Variants in TTC29 observed in about 807,000 individuals in gnomAD.
TTC29 encodes the protein tetratricopeptide repeat protein 29.
In TTC29, 49 loss-of-function variants were observed where a neutral mutation model predicts 58.1. The ratio of observed to expected loss-of-function variants is 0.84; its 90% confidence interval spans 0.67 to 1.07. TTC29 has a LOEUF of 1.07. Among genes scored for constraint, TTC29 ranks in the 50% least tolerant of loss-of-function variants. The pLI, the probability that TTC29 is intolerant of heterozygous loss-of-function variation, is 0.00. For missense variants in TTC29, 582 were observed against 555.6 expected (o/e 1.05, Z -0.48); for synonymous variants, 209 against 196.8 (o/e 1.06, Z -0.52).
chr4:146,788,118 C>T (rs1483562713), intron 11 of TTC29, among the ~76,000 whole-genome samples: 2 of 152,216 alleles, frequency 1.3e-5, no homozygotes, highest in South Asian at 2.1e-4. Context: ...TTAGCTAGGA[C>T]TGCACAGCCT....
At chr4:146,802,045 A>G (rs1292635509) in intron 11 of TTC29, among the ~76,000 whole-genome samples, 1 of 150,796 alleles carries the variant, frequency 6.6e-6, no homozygotes, top group South Asian at 2.1e-4. Flanking sequence ...GATGGCCTCG[A>G]ATAGACATAG....
chr4:146,737,761 C>G (rs1744831840), intron 11 of TTC29, among the ~76,000 whole-genome samples: 1 of 152,122 alleles, frequency 6.6e-6, no homozygotes, highest in Admixed American at 6.5e-5. Context: ...AACAAACAAA[C>G]TGTTCAGCCC....
rs536489683 is a variant in TTC29, at chr4:146,716,210, C to G, written c.1331-8659G>C. Among the ~76,000 whole-genome samples, 15 of 152,144 alleles carry G rather than the reference C, an allele frequency of 9.9e-5. No homozygotes were observed. The South Asian group carries it at 3.1e-3, about 32-fold the overall frequency. ...AAGCTAATGAATTCAAAGAAATGAC[C>G]ATTTCATTATCACTCAGAAAGTTTA... On this transcript the variant is annotated intron_variant, in intron 11 of 12. Transcript: ENST00000325106.
chr4:146,765,265 CAA>C (rs1358769387), intron 11 of TTC29, among the ~76,000 whole-genome samples: 1 of 152,054 alleles, frequency 6.6e-6, no homozygotes, highest in African/African-American at 2.4e-5. Flanking sequence ...GTTATTAAGA[CAA>C]AGTCACATGA....
intron 4 of TTC29, among the ~76,000 whole-genome samples, chr4:146,932,847 G>A (rs1735447758): frequency 6.6e-6 from 1 of 152,092 alleles, no homozygotes. Flanking sequence ...ACAAGGTCAG[G>A]AGATAGAGAC....
intron 11 of TTC29, among the ~76,000 whole-genome samples, chr4:146,736,930 T>C (rs10027612): frequency 0.59 from 90,397 of 152,006 alleles, 27,432 homozygotes; most frequent in South Asian, 0.68. Context: ...TGCTGGATTC[T>C]ATTGACACTT....
chr4:146,810,844 C>T (rs954328448), intron 10 of TTC29, among the ~76,000 whole-genome samples: 13 of 151,796 alleles, frequency 8.6e-5, no homozygotes, highest in African/African-American at 2.2e-4. Context: ...CACCCGCCTC[C>T]GCTTCCCAAA....
intron 6 of TTC29, among the ~76,000 whole-genome samples, chr4:146,889,283 T>C (rs1732196181): frequency 6.6e-6 from 1 of 152,198 alleles, no homozygotes; most frequent in African/African-American, 2.4e-5. Context: ...ATGATTATCT[T>C]TTACCAGCTG....
At chr4:146,910,104 T>C (rs1057287569) in intron 4 of TTC29, among the ~76,000 whole-genome samples, 11 of 152,084 alleles carry the variant, frequency 7.2e-5, no homozygotes, top group Non-Finnish European at 1.6e-4. Flanking sequence ...AATTATATTA[T>C]ATTCTTTAAA....
intron 9 of TTC29, chr4:146,831,933 T>C (rs1443073069): frequency 5.9e-5 from 12 of 201,742 alleles, no homozygotes; most frequent in South Asian, 4.6e-4. Flanking sequence ...TATTAATTAA[T>C]TTATTTATTT....
chr4:146,901,793 T>C (rs1733165189), intron 6 of TTC29, among the ~76,000 whole-genome samples: 1 of 152,236 alleles, frequency 6.6e-6, no homozygotes, highest in Admixed American at 6.5e-5. Flanking sequence ...TTATTATTTA[T>C]TGTAGCACTT....
intron 11 of TTC29, among the ~76,000 whole-genome samples, chr4:146,796,856 T>C (rs182974714): frequency 2.6e-5 from 4 of 152,264 alleles, no homozygotes; most frequent in Non-Finnish European, 4.4e-5. Flanking sequence ...CAATTTCTCA[T>C]AGCAAATAGA....
rs1734692019 is a variant in TTC29 at position 146,922,963 on chromosome 4, C to T, written c.177-13714G>A. On this transcript the variant is annotated intron_variant, in intron 4 of 12. Transcript: ENST00000325106. ...CCTACCCCTTTTCCCCTGACCCCTACTCTCACCAAAGGAGAGAAACTATTC... is the reference window on the plus strand; with the variant it reads ...CCTACCCCTTTTCCCCTGACCCCTATTCTCACCAAAGGAGAGAAACTATTC... 2.6e-5 allele frequency among the ~76,000 whole-genome samples: 4 copies of T among 151,980 alleles called. No individual in the cohort carries two copies. The South Asian group carries it at 8.3e-4, about 31-fold the overall frequency.
At chr4:146,910,310 A>G (rs1733814310) in intron 4 of TTC29, among the ~76,000 whole-genome samples, 1 of 152,088 alleles carries the variant, frequency 6.6e-6, no homozygotes, top group Non-Finnish European at 1.5e-5. Context: ...AAATGAAATT[A>G]GGTATGTGAG....
chr4:146,786,162 C>T (rs1332265385), intron 11 of TTC29, among the ~76,000 whole-genome samples: 6 of 152,114 alleles, frequency 3.9e-5, no homozygotes, highest in Admixed American at 6.5e-5. Flanking sequence ...AATCAAGCCA[C>T]AATTTTAAAA....
intron 6 of TTC29, among the ~76,000 whole-genome samples, chr4:146,903,294 T>A (rs1733279484): frequency 6.6e-6 from 1 of 152,118 alleles, no homozygotes; most frequent in African/African-American, 2.4e-5. Flanking sequence ...TTGGTGAGGA[T>A]GTTACCGGGT....
At chr4:146,860,734 C>T (rs900257595) in intron 8 of TTC29, among the ~76,000 whole-genome samples, 1 of 152,098 alleles carries the variant, frequency 6.6e-6, no homozygotes, top group African/African-American at 2.4e-5. Context: ...CTGCGGTTGA[C>T]CACCACCAAC....
chr4:146,753,279 C>T (rs1746162305), intron 11 of TTC29, among the ~76,000 whole-genome samples: 1 of 152,148 alleles, frequency 6.6e-6, no homozygotes, highest in Non-Finnish European at 1.5e-5. Flanking sequence ...GACATTTATG[C>T]AGCCAAAAAA....
chr4:146,799,336 T>C lies in TTC29; in HGVS notation c.1330+4121A>G, dbSNP rs554513760. ...GTTAATAACCAACAGAAGTAGCTGA[T>C]TGTAATAAAAGCTGAGGATCACTAG... On this transcript the variant is annotated intron_variant, in intron 11 of 12. Coordinates refer to ENST00000325106, the MANE Select transcript of TTC29 (RefSeq NM_031956.4). 5.9e-5 allele frequency among the ~76,000 whole-genome samples: 9 copies of C among 152,308 alleles called. No homozygotes were observed. In the South Asian group the frequency reaches 1.4e-3, roughly 25 times the overall value.
Sources: gnomAD v4.1 joint callset for allele counts (sites outside exome capture counted in the v4.1 genomes callset) on GRCh38, gnomAD v4.1.1 for gene constraint, MANE v1.5 for transcripts, NCBI Gene and HGNC (gene_info 2026-07-23, HGNC 2026-07-21) for gene names.